Variants in SHROOM1 observed in about 807,000 individuals in gnomAD.
The protein encoded by SHROOM1 is shroom family member 1.
SHROOM1 carries 53 observed loss-of-function variants against 64.2 expected under a neutral mutation model. That is an observed-to-expected ratio of 0.83 (90% confidence interval 0.66 to 1.04). SHROOM1 has a LOEUF of 1.04. Among genes scored for constraint, SHROOM1 ranks in the 50% least tolerant of loss-of-function variants. The probability of loss-of-function intolerance (pLI) is 0.00; values close to 1 mark genes in which losing one functional copy is unlikely to be tolerated. For synonymous variants in SHROOM1, 490 were observed against 518.9 expected, an observed-to-expected ratio of 0.94 and a Z score of 0.76; for missense variants, 1,179 against 1,163.2, an observed-to-expected ratio of 1.01 and a Z score of -0.20.
rs375588189 is a variant in SHROOM1, at chr5:132,823,908, C to T, written c.1753G>A (p.Ala585Thr). 3.2e-6 allele frequency: 5 copies of T among 1,544,942 alleles called. No individual in the cohort carries two copies. The African/African-American group carries it at 5.5e-5, about 17-fold the overall frequency. ...GCCTCCCCACAGGCAGGCCGCATTG[C>T]AGCCCGGACCTCTGCTAAAGGAATC... ...GLIPLAEVRA[A>T]MRPACGEAGE... is the part of the protein sequence containing the mutation. Residue 585 changes from alanine (A) to threonine (T), a missense_variant, in exon 7 of 10, where the codon GCA (alanine) becomes ACA (threonine). By Grantham distance (58) the Ala-to-Thr change is moderately conservative. Transcript: ENST00000378679. The surrounding 1 kb of genome is among the most constrained non-coding windows in gnomAD (Gnocchi z 4.6).
chr5:132,830,481 C>T lies in SHROOM1; in HGVS notation c.-501+113G>A. On this transcript the variant is annotated intron_variant, in intron 1 of 9. Transcript: ENST00000378679. The surrounding 1 kb of genome is among the most constrained non-coding windows in gnomAD (Gnocchi z 5.9). ...GCCGAACGATGCCCGGGCTGCCCCG[C>T]GACCACCGCCTCGCCGCCCGCTCTT... The T allele has an allele frequency of 5.1e-6, 5 of 985,152 alleles. No individual in the cohort carries two copies. Among genetic ancestry groups the T allele is most frequent in the Non-Finnish European group, 6.0e-6 (5 of 829,816 alleles). The allele number at this position is 985,152 out of a possible 1,614,324, so 61.0% of individuals were successfully genotyped here.
intron 6 of SHROOM1, 84 bp downstream of exon 6, chr5:132,824,531 G>A (rs997935313): frequency 1.6e-5 from 24 of 1,528,272 alleles, no homozygotes; most frequent in East Asian, 4.5e-5. Context: ...GCTCCAGCTA[G>A]GAGAGCATTC....
intron 1 of SHROOM1, among the ~76,000 whole-genome samples, chr5:132,828,818 G>A (rs965801739): frequency 3.3e-5 from 5 of 152,256 alleles, no homozygotes; most frequent in Admixed American, 2.6e-4. Context: ...TCAGGTTGAT[G>A]TTCACGCAGG....
In SHROOM1 at chr5:132,825,730, C is replaced by G. The variant is rs929901005; in HGVS notation, c.411G>C (p.Ser137=). 4 of 1,281,846 alleles carry G rather than the reference C, an allele frequency of 3.1e-6. No homozygotes were observed. The highest frequency in any genetic ancestry group is 3.9e-6 in the Non-Finnish European group (4 of 1,019,904). The allele number at this position is 1,281,846 out of a possible 1,614,324, so 79.4% of individuals were successfully genotyped here. ...GAAGCCGCTGGCGGTAGGCGGCCCT[C>G]GAGGCCGGCGGGCTGGGCGGCTCGG... ...QAAEPPSPPA[S]RAAYRQRLQG... Residue 137 remains serine, a synonymous_variant, in exon 4 of 10, where the codon TCG becomes TCC. Transcript: ENST00000378679. This position sits in a 1 kb window ranked among gnomAD's most constrained non-coding sequence, Gnocchi z 5.1.
At position 132,827,599 on chromosome 5, in the gene SHROOM1, A is replaced by C. The variant is rs1726720577; in HGVS notation, c.-492T>G. 6.7e-6 allele frequency: 1 copy of C among 148,808 alleles called. No individual in the cohort carries two copies. The highest frequency in any genetic ancestry group is 2.2e-4 in the South Asian group (1 of 4,612). 9.2% of individuals were successfully genotyped at this position (148,808 alleles called of 1,614,324 possible). On this transcript the variant is annotated 5_prime_UTR_variant, in exon 2 of 10. Transcript: ENST00000378679. ...CCACTGCACTCCAGCCTGGCGACAA[A>C]GTGAGGCTCTGTCTCAAAACAAAAC...
intron 2 of SHROOM1, among the ~76,000 whole-genome samples, chr5:132,826,864 T>C (rs1758719280): frequency 6.6e-6 from 1 of 152,246 alleles, no homozygotes; most frequent in East Asian, 1.9e-4. Context: ...AATCCAGGCC[T>C]GCCTCCACGC....
In SHROOM1 at chr5:132,822,840, T is replaced by G. The variant is rs1758489535; in HGVS notation, c.2515A>C (p.Thr839Pro). The G allele has an allele frequency of 6.2e-7, 1 of 1,612,450 alleles. No homozygotes were observed. The stretch of plus-strand genomic sequence containing the variant: ...AAGGGCGGCTGAACTGGAGGACAGG[T>G]CCCTGGGGGCCGCGCCGGGCTGGGA... ...PSPSPARPPG[T>P]CPPVQPPFPL... Residue 839 changes from threonine to proline, a missense_variant, in exon 10 of 10, where the codon ACC (threonine) becomes CCC (proline). By Grantham distance (38) the Thr-to-Pro change is conservative. Coordinates refer to ENST00000378679, the MANE Select transcript of SHROOM1 (RefSeq NM_001172700.2).
intron 6 of SHROOM1, 91 bp from the exon 7 acceptor site, chr5:132,824,510 TG>T: frequency 6.6e-7 from 1 of 1,520,368 alleles, no homozygotes; most frequent in Non-Finnish European, 8.9e-7. Context: ...CCCCATCACC[TG>T]GAATCCCAGG....
Position 132,824,479 on chromosome 5 carries a change from C to T in SHROOM1, c.1242-60G>A, listed in dbSNP as rs1301172482. The T allele has an allele frequency of 7.2e-6, 11 of 1,518,506 alleles. No individual in the cohort carries two copies. The East Asian group carries it at 2.5e-4, about 34-fold the overall frequency. The allele number at this position is 1,518,506 out of a possible 1,614,324, so 94.1% of individuals were successfully genotyped here. A position where few individuals can be genotyped will look rare whatever the true frequency, so the allele number is the denominator to read the frequency against. Reference sequence around the variant, plus strand: ...TCCAGCCACAAACAAATGGTGGCCTCCAAGGGCCATCTGTCCCTACCCCCA... The same window carrying T: ...TCCAGCCACAAACAAATGGTGGCCTTCAAGGGCCATCTGTCCCTACCCCCA... On this transcript the variant is annotated intron_variant, in intron 6 of 9. Coordinates refer to ENST00000378679, the MANE Select transcript of SHROOM1 (RefSeq NM_001172700.2).
At chr5:132,824,457 A>G (rs762472234) in intron 6 of SHROOM1, 38 bp from the exon 7 acceptor site, 11 of 1,522,904 alleles carry the variant, frequency 7.2e-6, no homozygotes, top group Non-Finnish European at 8.8e-6. Flanking sequence ...AAAAAGCTCC[A>G]GCCACAAACA....
Position 132,826,168 on chromosome 5 carries a change from G to T in SHROOM1, c.-28C>A. ...CTGCGCAGATGAGTGCTGAGGCTGG[G>T]TGGCTGCGTGGGTCCTGGGAAAACA... On this transcript the variant is annotated 5_prime_UTR_variant, in exon 4 of 10. Coordinates refer to ENST00000378679, the MANE Select transcript of SHROOM1 (RefSeq NM_001172700.2). The T allele has an allele frequency of 4.6e-6, 6 of 1,315,404 alleles. No homozygotes were observed. Among genetic ancestry groups the T allele is most frequent in the Non-Finnish European group, 5.8e-6 (6 of 1,033,586 alleles). 81.5% of individuals were successfully genotyped at this position (1,315,404 alleles called of 1,614,324 possible).
chr5:132,826,174 G>A lies in SHROOM1; in HGVS notation c.-34C>T, dbSNP rs771271270. On this transcript the variant is annotated 5_prime_UTR_variant, in exon 4 of 10. Coordinates refer to ENST00000378679, the MANE Select transcript of SHROOM1 (RefSeq NM_001172700.2). ...AGATGAGTGCTGAGGCTGGGTGGCTGCGTGGGTCCTGGGAAAACACAGATG... is the reference window on the plus strand; with the variant it reads ...AGATGAGTGCTGAGGCTGGGTGGCTACGTGGGTCCTGGGAAAACACAGATG... 13 of 1,308,560 alleles carry A rather than the reference G, an allele frequency of 9.9e-6. No individual in the cohort carries two copies. Among genetic ancestry groups the A allele is most frequent in the Non-Finnish European group, 1.3e-5 (13 of 1,029,708 alleles). 81.1% of individuals were successfully genotyped at this position (1,308,560 alleles called of 1,614,324 possible).
Position 132,823,172 on chromosome 5 carries a change from G to C in SHROOM1, c.2227-44C>G, listed in dbSNP as rs867781375. 27 of 1,543,794 alleles carry C rather than the reference G, an allele frequency of 1.7e-5. 1 individual carries two copies. The Middle Eastern group carries it at 4.5e-3, about 256-fold the overall frequency. On this transcript the variant is annotated intron_variant, in intron 9 of 9. Coordinates refer to ENST00000378679, the MANE Select transcript of SHROOM1 (RefSeq NM_001172700.2). This position sits in a 1 kb window ranked among gnomAD's most constrained non-coding sequence, Gnocchi z 4.6. ...GCGCCGTGAGCCGGGTGAGGGCGCC[G>C]CCGCTCCCGGAATGGTTCCAGCCGG...
chr5:132,824,758 A>G lies in SHROOM1; in HGVS notation c.1098T>C (p.Ala366=), dbSNP rs2150028373. 6.2e-7 allele frequency: 1 copy of G among 1,614,136 alleles called. No individual in the cohort carries two copies. The highest frequency in any genetic ancestry group is 8.5e-7 in the Non-Finnish European group (1 of 1,180,026). The change falls in exon 6 of 10, where the codon GCT becomes GCC. Residue 366 remains alanine, a synonymous_variant. Transcript: ENST00000378679. ...YPAELPQSSP[A]DSEQRVSETC... ...TCTCTGAGACCCTCTGTTCACTGTC[A>G]GCAGGGCTGCTCTGGGGTAACTCTG...
chr5:132,829,866 G>A (rs980641228), intron 1 of SHROOM1: 10 of 985,352 alleles, frequency 1.0e-5, no homozygotes, highest in Non-Finnish European at 1.1e-5. Flanking sequence ...CGCACCCCAC[G>A]CAGCATCCAC....
chr5:132,824,653 T>C lies in SHROOM1; in HGVS notation c.1203A>G (p.Ser401=), dbSNP rs752813354. The C allele has an allele frequency of 6.2e-7, 1 of 1,613,036 alleles. No homozygotes were observed. The highest frequency in any genetic ancestry group is 1.1e-5 in the South Asian group (1 of 91,048). The stretch of plus-strand genomic sequence containing the variant: ...CCTGGGAGGCATGGGGGTCTGGTGG[T>C]GATCTCATTCTGACCAGTGGGGCCT... The part of the protein sequence containing the change: ...LEEAPLVRMR[S]PPDPHASQGP... The change falls in exon 6 of 10, where the codon TCA becomes TCG. Residue 401 remains serine (S), a synonymous_variant. Coordinates refer to ENST00000378679, the MANE Select transcript of SHROOM1 (RefSeq NM_001172700.2).
In SHROOM1 at chr5:132,822,767, G is replaced by A; in HGVS notation, c.*29C>T. The A allele has an allele frequency of 6.5e-7, 1 of 1,541,172 alleles. No homozygotes were observed. The highest frequency in any genetic ancestry group is 8.8e-7 in the Non-Finnish European group (1 of 1,141,712). ...CCACTTACGTGGGTGAGAGATAGGG[G>A]CGGTGCACCCCACCCTCTCCACCTA... On this transcript the variant is annotated 3_prime_UTR_variant, in exon 10 of 10. Transcript: ENST00000378679.
In SHROOM1 at chr5:132,822,931, C is replaced by T. The variant is rs996854149; in HGVS notation, c.2424G>A (p.Glu808=). The T allele has an allele frequency of 6.2e-7, 1 of 1,612,832 alleles. No individual in the cohort carries two copies. Among genetic ancestry groups the T allele is most frequent in the Non-Finnish European group, 8.5e-7 (1 of 1,179,938 alleles). Residue 808 remains glutamate (E), a synonymous_variant, in exon 10 of 10, where the codon GAG becomes GAA. Transcript: ENST00000378679. ...GTTGGTCCTGAAGGAGGCGGATGCG[C>T]TCGTCCAGGTTGCGCTGCTGGGCCA... is the stretch of plus-strand genomic sequence containing the variant. ...AVLAQQRNLD[E]RIRLLQDQLD...
In SHROOM1 at chr5:132,825,890, C is replaced by G; in HGVS notation, c.251G>C (p.Arg84Pro). The G allele has an allele frequency of 1.5e-6, 2 of 1,311,896 alleles. No individual in the cohort carries two copies. Among genetic ancestry groups the G allele is most frequent in the Non-Finnish European group, 2.0e-6 (2 of 1,024,438 alleles). The allele number at this position is 1,311,896 out of a possible 1,614,324, so 81.3% of individuals were successfully genotyped here. A position where few individuals can be genotyped will look rare whatever the true frequency, so the allele number is the denominator to read the frequency against. ...PPDAALCTSP[R>P]PRPAVAARSG... ...GCGGGCTGCAACCGCGGGCCGGGGC[C>G]GCGGGGATGTGCAAAGGGCAGCGTC... The change falls in exon 4 of 10, where the codon CGG becomes CCG. Residue 84 changes from arginine to proline, a missense_variant. Transcript: ENST00000378679. This position sits in a 1 kb window ranked among gnomAD's most constrained non-coding sequence, Gnocchi z 5.1.
Sources: gnomAD v4.1 joint callset for allele counts (sites outside exome capture counted in the v4.1 genomes callset) on GRCh38, gnomAD v4.1.1 for gene constraint, Gnocchi (gnomAD v3.1) non-coding constraint, MANE v1.5 for transcripts, NCBI Gene and HGNC (gene_info 2026-07-23, HGNC 2026-07-21) for gene names.